CCDC6: variants seen among roughly 807,000 people sequenced by gnomAD.
The protein encoded by CCDC6 is coiled-coil domain containing 6.
In CCDC6, 20 loss-of-function variants were observed where a neutral mutation model predicts 56.6. The ratio of observed to expected loss-of-function variants is 0.35; its 90% confidence interval spans 0.25 to 0.51. The LOEUF (loss-of-function observed/expected upper bound fraction) is 0.51. Among genes scored for constraint, CCDC6 ranks in the 20% least tolerant of loss-of-function variants. The pLI is 0.95. For missense variants in CCDC6, 367 were observed against 601.1 expected (o/e 0.61, Z 4.07); for synonymous variants, 241 against 234.4 (o/e 1.03, Z -0.26).
intron 1 of CCDC6, among the ~76,000 whole-genome samples, chr10:59,887,080 C>T (rs1483552066): frequency 1.3e-5 from 2 of 152,204 alleles, no homozygotes; most frequent in East Asian, 1.9e-4. Flanking sequence ...ATAGGGCAAT[C>T]GACACAACAA....
intron 1 of CCDC6, among the ~76,000 whole-genome samples, chr10:59,864,557 G>A (rs930851130): frequency 2.6e-5 from 4 of 152,168 alleles, no homozygotes; most frequent in African/African-American, 9.7e-5. Context: ...ATCCCTGCCA[G>A]AGTATTTTCT....
chr10:59,807,586 A>G (rs2070637074), intron 5 of CCDC6, among the ~76,000 whole-genome samples: 1 of 152,200 alleles, frequency 6.6e-6, no homozygotes, highest in Non-Finnish European at 1.5e-5. Flanking sequence ...TTTACCAATT[A>G]TTTGCATTTA....
chr10:59,904,201 T>G (rs2071525440), intron 1 of CCDC6, among the ~76,000 whole-genome samples: 1 of 152,124 alleles, frequency 6.6e-6, no homozygotes, highest in Non-Finnish European at 1.5e-5. Flanking sequence ...TAGTTAAGGG[T>G]AAGTGCTAAG....
intron 7 of CCDC6, among the ~76,000 whole-genome samples, chr10:59,794,963 C>A (rs904638791): frequency 2.0e-5 from 3 of 151,674 alleles, no homozygotes; most frequent in Non-Finnish European, 4.4e-5. Context: ...AAAGTCAACT[C>A]AAAATGGATT....
At chr10:59,882,961 A>G (rs1210245116) in intron 1 of CCDC6, among the ~76,000 whole-genome samples, 4 of 151,216 alleles carry the variant, frequency 2.6e-5, no homozygotes, top group African/African-American at 9.7e-5. Context: ...CTCTGCCTCA[A>G]AAAAAAAAAT....
In CCDC6 at chr10:59,848,233, A is replaced by C. The variant is rs2071010088; in HGVS notation, c.453+4320T>G. On this transcript the variant is annotated intron_variant, in intron 2 of 8. Coordinates refer to ENST00000263102, the MANE Select transcript of CCDC6 (RefSeq NM_005436.5). Reference sequence around the variant, plus strand: ...GTAATTTTCTTACTTGTTCTTAACTAATCTCTTTTAAAGTATACATAGCTC... The same window carrying C: ...GTAATTTTCTTACTTGTTCTTAACTCATCTCTTTTAAAGTATACATAGCTC... Among the ~76,000 whole-genome samples the C allele has an allele frequency of 2.6e-5, 4 of 152,324 alleles. No homozygotes were observed. The South Asian group carries it at 8.3e-4, about 32-fold the overall frequency.
chr10:59,830,520 C>G (rs1211265213), intron 3 of CCDC6, among the ~76,000 whole-genome samples: 1 of 152,160 alleles, frequency 6.6e-6, no homozygotes, highest in African/African-American at 2.4e-5. Context: ...AATTTTTCCA[C>G]TTTAATTAAA....
rs188493828 is a variant in CCDC6 at position 59,798,688 on chromosome 10, A to G, written c.1106-4091T>C. On this transcript the variant is annotated intron_variant, in intron 7 of 8. Transcript: ENST00000263102. Reference sequence around the variant, plus strand: ...TCTTATGAAAGTGATTACATTTAAGAGAAAGGCTATAAAATATAAAAGTGG... The same window carrying G: ...TCTTATGAAAGTGATTACATTTAAGGGAAAGGCTATAAAATATAAAAGTGG... Among the ~76,000 whole-genome samples, 197 of 152,334 alleles carry G rather than the reference A, an allele frequency of 1.3e-3. 3 individuals are homozygous for G. Among genetic ancestry groups the G allele is most frequent in the Non-Finnish European group, 6.0e-4 (41 of 68,034 alleles).
At chr10:59,904,170 A>G (rs1010505583) in intron 1 of CCDC6, among the ~76,000 whole-genome samples, 4 of 120,754 alleles carry the variant, frequency 3.3e-5, no homozygotes, top group African/African-American at 1.1e-4. Context: ...TTCACAAAGT[A>G]TATTCGGTTG....
At chr10:59,829,108 C>A (rs1173329122) in intron 3 of CCDC6, among the ~76,000 whole-genome samples, 2 of 152,198 alleles carry the variant, frequency 1.3e-5, no homozygotes, top group Non-Finnish European at 2.9e-5. Flanking sequence ...GACTAACTTT[C>A]AGTGAGATAA....
intron 2 of CCDC6, among the ~76,000 whole-genome samples, chr10:59,849,092 C>A (rs1015954081): frequency 7.9e-5 from 12 of 152,208 alleles, no homozygotes. Flanking sequence ...TAAAGCACAA[C>A]CTCTCTTCAA....
At chr10:59,798,272 C>T (rs183228459) in intron 7 of CCDC6, among the ~76,000 whole-genome samples, 183 of 152,356 alleles carry the variant, frequency 1.2e-3, no homozygotes, top group Non-Finnish European at 2.1e-3. Context: ...CCACTTACTG[C>T]TTTTCTGAAT....
At position 59,871,531 on chromosome 10, in the gene CCDC6, A is replaced by C. The variant is rs889354560; in HGVS notation, c.304-18829T>G. Among the ~76,000 whole-genome samples, 6 of 151,142 alleles carry C rather than the reference A, an allele frequency of 4.0e-5. No individual in the cohort carries two copies. In the South Asian group the frequency reaches 1.3e-3, roughly 32 times the overall value. On this transcript the variant is annotated intron_variant, in intron 1 of 8. Transcript: ENST00000263102. ...CTGATGCCCAGACCCTTGCCCTGAC[A>C]AACTGGGTCAGCTCTGAGGGATGGG...
intron 1 of CCDC6, among the ~76,000 whole-genome samples, chr10:59,884,937 G>A (rs573820777): frequency 2.0e-5 from 3 of 151,966 alleles, no homozygotes; most frequent in Non-Finnish European, 2.9e-5. Flanking sequence ...GGTGACACAC[G>A]CCTGTAGTCC....
At chr10:59,798,801 T>C (rs1279424300) in intron 7 of CCDC6, among the ~76,000 whole-genome samples, 1 of 152,000 alleles carries the variant, frequency 6.6e-6, no homozygotes, top group Non-Finnish European at 1.5e-5. Context: ...GAGACCAGCC[T>C]GACCAACATG....
intron 1 of CCDC6, among the ~76,000 whole-genome samples, chr10:59,883,644 A>C (rs2071362497): frequency 6.6e-6 from 1 of 152,248 alleles, no homozygotes; most frequent in Non-Finnish European, 1.5e-5. Context: ...CAACTGGACC[A>C]TAATATTAAA....
At chr10:59,816,554 A>G (rs1204179743) in intron 3 of CCDC6, among the ~76,000 whole-genome samples, 1 of 152,218 alleles carries the variant, frequency 6.6e-6, no homozygotes, top group African/African-American at 2.4e-5. Context: ...TGAGAAAATT[A>G]CTAGATATAA....
At chr10:59,824,678 AGAG>A (rs140235486) in intron 3 of CCDC6, among the ~76,000 whole-genome samples, 32 of 152,160 alleles carry the variant, frequency 2.1e-4, no homozygotes, top group South Asian at 1.7e-3. Context: ...GGAAGAGAAA[AGAG>A]GAGGAGGAGG....
chr10:59,828,234 T>C (rs535544069), intron 3 of CCDC6, among the ~76,000 whole-genome samples: 56 of 152,284 alleles, frequency 3.7e-4, no homozygotes, highest in Non-Finnish European at 7.4e-4. Flanking sequence ...AATCTGCAAG[T>C]CAGGGTTTAT....
Sources: allele counts gnomAD v4.1 joint callset (sites outside exome capture counted in the v4.1 genomes callset), GRCh38; gene constraint gnomAD v4.1.1; transcripts MANE v1.5; gene names NCBI Gene and HGNC (gene_info 2026-07-23, HGNC 2026-07-21).